The following CCDC60 variants were observed in gnomAD, a reference collection of about 807,000 sequenced individuals.
The protein encoded by CCDC60 is coiled-coil domain-containing protein 60.
In CCDC60, 54 loss-of-function variants were observed where a neutral mutation model predicts 63.5. That is an observed-to-expected ratio of 0.85 (90% CI 0.68 to 1.07). The LOEUF (loss-of-function observed/expected upper bound fraction) is 1.07, where lower values mean the gene tolerates loss of function less well. Among genes scored for constraint, CCDC60 ranks in the 50% least tolerant of loss-of-function variants. The pLI, the probability that CCDC60 is intolerant of heterozygous loss-of-function variation, is 0.00. For missense variants in CCDC60, 651 were observed against 684.3 expected, an observed-to-expected ratio of 0.95 and a Z score of 0.54; for synonymous variants, 206 against 238.8, an observed-to-expected ratio of 0.86 and a Z score of 1.27.
intron 1 of CCDC60, among the ~76,000 whole-genome samples, chr12:119,390,806 C>T (rs1195244635): frequency 6.6e-6 from 1 of 152,252 alleles, no homozygotes; most frequent in African/African-American, 2.4e-5. Flanking sequence ...GTTAGATGAT[C>T]TTAAGCAAGA....
chr12:119,479,624 AG>A (rs2136345872), intron 4 of CCDC60: 1 of 159,216 alleles, frequency 6.3e-6, no homozygotes, highest in Admixed American at 6.3e-5. Context: ...GTGGTGCAAC[AG>A]GAACTAATCA....
Position 119,508,670 on chromosome 12 carries a change from G to C in CCDC60, c.883+3367G>C, listed in dbSNP as rs562039066. ...ACCTGAAGACCTGAAGCTGAGGAGG[G>C]AGGCAGGGGCCAGAGCACGCAGGGC... is the stretch of plus-strand genomic sequence containing the variant. On this transcript the variant is annotated intron_variant, in intron 7 of 13. Coordinates refer to ENST00000327554, the MANE Select transcript of CCDC60 (RefSeq NM_178499.5). 3.2e-4 allele frequency among the ~76,000 whole-genome samples: 49 copies of C among 152,306 alleles called. 1 individual carries two copies. Among genetic ancestry groups the C allele is most frequent in the African/African-American group, 1.2e-3 (49 of 41,564 alleles).
intron 5 of CCDC60, among the ~76,000 whole-genome samples, chr12:119,491,993 A>G (rs2136386290): frequency 6.6e-6 from 1 of 152,344 alleles, no homozygotes; most frequent in East Asian, 1.9e-4. Flanking sequence ...TAGTGGTCAC[A>G]TTGAGAGTAG....
rs1455109448 is a variant in CCDC60, at chr12:119,335,220, A to G, written c.44A>G (p.Asn15Ser). The G allele has an allele frequency of 1.9e-6, 3 of 1,606,020 alleles. No individual in the cohort carries two copies. The highest frequency in any genetic ancestry group is 2.7e-5 in the African/African-American group (2 of 74,504). ...ACCAAGAAGCTTCAGAGTTCCCCCA[A>G]CTCGGGGGCTGTCCGGCCCTTTTAT... ...PATKKLQSSP[N>S]SGAVRPFYAS... The change falls in exon 1 of 14, where the codon AAC (asparagine) becomes AGC (serine). Residue 15 changes from asparagine to serine, a missense_variant. By Grantham distance (46) the Asn-to-Ser change is conservative (BLOSUM62 1). Coordinates refer to ENST00000327554, the MANE Select transcript of CCDC60 (RefSeq NM_178499.5).
At chr12:119,518,017 T>C (rs1952400864) in intron 8 of CCDC60, among the ~76,000 whole-genome samples, 1 of 152,212 alleles carries the variant, frequency 6.6e-6, no homozygotes, top group Non-Finnish European at 1.5e-5. Context: ...CTATGACTTA[T>C]TGGTTATTGT....
At chr12:119,386,214 TC>T (rs1956059555) in intron 1 of CCDC60, among the ~76,000 whole-genome samples, 1 of 152,160 alleles carries the variant, frequency 6.6e-6, no homozygotes, top group South Asian at 2.1e-4. Flanking sequence ...TGAAGACCAT[TC>T]CTCCCACCTC....
intron 2 of CCDC60, among the ~76,000 whole-genome samples, chr12:119,469,242 T>C (rs1358930798): frequency 6.6e-6 from 1 of 152,144 alleles, no homozygotes; most frequent in African/African-American, 2.4e-5. Context: ...AATGGCACTT[T>C]CTTGCTTTTC....
intron 1 of CCDC60, among the ~76,000 whole-genome samples, chr12:119,355,713 G>A (rs531462478): frequency 1.2e-4 from 19 of 152,354 alleles, no homozygotes; most frequent in African/African-American, 4.1e-4. Flanking sequence ...AGTGTGCCAC[G>A]AGTAGCAGCT....
intron 2 of CCDC60, among the ~76,000 whole-genome samples, chr12:119,442,412 G>A (rs1322282717): frequency 2.6e-5 from 4 of 152,166 alleles, no homozygotes; most frequent in African/African-American, 7.2e-5. Context: ...CCAGAAGTTC[G>A]AGACCAGCCT....
At chr12:119,441,694 G>A (rs887897452) in intron 2 of CCDC60, among the ~76,000 whole-genome samples, 1 of 152,164 alleles carries the variant, frequency 6.6e-6, no homozygotes, top group Non-Finnish European at 1.5e-5. Flanking sequence ...GTCTTTCTGA[G>A]ATTTATCCAT....
intron 1 of CCDC60, among the ~76,000 whole-genome samples, chr12:119,424,315 T>C (rs182813747): frequency 3.3e-4 from 51 of 152,354 alleles, no homozygotes; most frequent in Admixed American, 3.1e-3. Flanking sequence ...CATTACCACC[T>C]TTCCACATTA....
chr12:119,351,521 G>T (rs1448526233), intron 1 of CCDC60, among the ~76,000 whole-genome samples: 2 of 152,238 alleles, frequency 1.3e-5, no homozygotes, highest in Non-Finnish European at 2.9e-5. Flanking sequence ...ATAGTGGAAG[G>T]CAAAGCAGGA....
chr12:119,521,576 C>A (rs1024981604), intron 9 of CCDC60, among the ~76,000 whole-genome samples: 2 of 152,032 alleles, frequency 1.3e-5, no homozygotes, highest in Non-Finnish European at 2.9e-5. Flanking sequence ...AAAGGTCCTG[C>A]GGCAGGAGGA....
chr12:119,490,370 C>G (rs1951555660), intron 5 of CCDC60, among the ~76,000 whole-genome samples: 2 of 151,978 alleles, frequency 1.3e-5, no homozygotes, highest in African/African-American at 4.8e-5. Context: ...TAAATAGAAA[C>G]CTCTGTAATG....
intron 1 of CCDC60, among the ~76,000 whole-genome samples, chr12:119,369,811 A>G (rs917316530): frequency 6.6e-6 from 1 of 152,138 alleles, no homozygotes; most frequent in African/African-American, 2.4e-5. Context: ...GGGGCCTGGC[A>G]TGGAGCAGGT....
At chr12:119,373,734 T>A (rs1372071776) in intron 1 of CCDC60, among the ~76,000 whole-genome samples, 1 of 152,002 alleles carries the variant, frequency 6.6e-6, no homozygotes, top group Non-Finnish European at 1.5e-5. Flanking sequence ...TTTCCACAAG[T>A]TCTCATTAAT....
chr12:119,486,638 GGAAA>G (rs1307467280), intron 4 of CCDC60, among the ~76,000 whole-genome samples: 31 of 152,322 alleles, frequency 2.0e-4, no homozygotes, highest in African/African-American at 7.2e-4. Flanking sequence ...AGGGAAGAAA[GGAAA>G]GAGAGTTTCT....
chr12:119,368,514 A>G (rs1955866082), intron 1 of CCDC60, among the ~76,000 whole-genome samples: 1 of 152,190 alleles, frequency 6.6e-6, no homozygotes, highest in Admixed American at 6.5e-5. Flanking sequence ...GGTCAGGGGA[A>G]CACAGGGCGG....
At position 119,540,996 on chromosome 12, in the gene CCDC60, C is replaced by T. The variant is rs191995173; in HGVS notation, c.*281C>T. ...CCTACTTCCTCTTCAGATTCCTTCA[C>T]CCTATTTACCTTCCTCAAGTACTGG... On this transcript the variant is annotated 3_prime_UTR_variant, in exon 14 of 14. Coordinates refer to ENST00000327554, the MANE Select transcript of CCDC60 (RefSeq NM_178499.5). 1,168 of 329,358 alleles carry T rather than the reference C, an allele frequency of 3.5e-3. 7 individuals carry two copies. Among genetic ancestry groups the T allele is most frequent in the Non-Finnish European group, 4.2e-3 (757 of 181,432 alleles). 20.4% of individuals were successfully genotyped at this position (329,358 alleles called of 1,614,324 possible).
Sources: gnomAD v4.1 joint callset for allele counts (sites outside exome capture counted in the v4.1 genomes callset) on GRCh38, gnomAD v4.1.1 for gene constraint, MANE v1.5 for transcripts, NCBI Gene and HGNC (gene_info 2026-07-23, HGNC 2026-07-21) for gene names.